The following CNTRL variants were observed in gnomAD, a reference collection of about 807,000 sequenced individuals.
CNTRL encodes the protein centriolin, also known as 110 kDa centrosomal protein.
In CNTRL, 233 loss-of-function variants were observed where a neutral mutation model predicts 303.7. That is an observed-to-expected ratio of 0.77 (90% CI 0.69 to 0.86). The LOEUF (loss-of-function observed/expected upper bound fraction) is 0.86. CNTRL is among the 40% of genes least tolerant of loss of function. The pLI, the probability that CNTRL is intolerant of heterozygous loss-of-function variation, is 0.00. For synonymous variants in CNTRL, 900 were observed against 922.2 expected (o/e 0.98, Z 0.44); for missense variants, 2,524 against 2,650.6 (o/e 0.95, Z 1.05).
intron 25 of CNTRL, among the ~76,000 whole-genome samples, chr9:121,151,136 T>G (rs1405230236): frequency 6.6e-6 from 1 of 152,180 alleles, no homozygotes; most frequent in Non-Finnish European, 1.5e-5. Context: ...GTGGTGGGAT[T>G]TATTTATTAT....
At chr9:121,097,524 T>C (rs1182052709) in intron 6 of CNTRL, among the ~76,000 whole-genome samples, 1 of 152,204 alleles carries the variant, frequency 6.6e-6, no homozygotes, top group African/African-American at 2.4e-5. Flanking sequence ...TAATAAGCAA[T>C]ATTCATTTAA....
chr9:121,146,391 C>A, intron 23 of CNTRL, 135 bp downstream of exon 23: 2 of 853,938 alleles, frequency 2.3e-6, no homozygotes, highest in East Asian at 5.6e-5. Flanking sequence ...GGTTCTGTAG[C>A]GTTTTTAATA....
intron 14 of CNTRL, among the ~76,000 whole-genome samples, chr9:121,129,000 A>G (rs935678409): frequency 6.6e-6 from 1 of 152,082 alleles, no homozygotes; most frequent in Non-Finnish European, 1.5e-5. Flanking sequence ...ATTGGTCTAT[A>G]TATCTGTTTT....
chr9:121,160,699 G>C (rs2052803750), intron 32 of CNTRL, among the ~76,000 whole-genome samples: 1 of 152,164 alleles, frequency 6.6e-6, no homozygotes, highest in Non-Finnish European at 1.5e-5. Context: ...TTGGAAACAG[G>C]CTGGGTGTGG....
intron 43 of CNTRL, among the ~76,000 whole-genome samples, chr9:121,175,547 G>C (rs2053487316): frequency 6.6e-6 from 1 of 152,238 alleles, no homozygotes; most frequent in Admixed American, 6.5e-5. Flanking sequence ...GGGATTACAG[G>C]CGTGAGCCAC....
At chr9:121,144,436 G>A (rs954868676) in intron 20 of CNTRL, among the ~76,000 whole-genome samples, 6 of 151,960 alleles carry the variant, frequency 3.9e-5, no homozygotes, top group Non-Finnish European at 5.9e-5. Context: ...TTTTCATCTC[G>A]TGCAGTCATG....
At chr9:121,103,309 T>A (rs2049278968) in intron 7 of CNTRL, among the ~76,000 whole-genome samples, 1 of 152,254 alleles carries the variant, frequency 6.6e-6, no homozygotes, top group Non-Finnish European at 1.5e-5. Context: ...AGGGATTCCC[T>A]ATTTAATAAA....
intron 40 of CNTRL, 60 bp downstream of exon 40, chr9:121,171,608 C>A: frequency 6.5e-7 from 1 of 1,540,660 alleles, no homozygotes; most frequent in Non-Finnish European, 8.8e-7. Flanking sequence ...TGGGCTCAGG[C>A]AGATTGTATT....
chr9:121,084,319 G>A (rs2048261538), intron 2 of CNTRL, among the ~76,000 whole-genome samples: 2 of 152,130 alleles, frequency 1.3e-5, no homozygotes, highest in Non-Finnish European at 2.9e-5. Context: ...ACCTAACCTT[G>A]CAAATGTAGG....
chr9:121,176,975 T>C (rs913747918), intron 43 of CNTRL, among the ~76,000 whole-genome samples, 188 bp from the exon 44 acceptor site: 2 of 152,216 alleles, frequency 1.3e-5, no homozygotes, highest in African/African-American at 4.8e-5. Flanking sequence ...ATCTTGAATT[T>C]TAGCAGTTTT....
intron 14 of CNTRL, 21 bp from the exon 15 acceptor site, chr9:121,135,785 A>T (rs962853104): frequency 6.3e-7 from 1 of 1,591,378 alleles, no homozygotes; most frequent in Non-Finnish European, 8.6e-7. Context: ...TTCCATAGTT[A>T]AACCCACTGA....
At chr9:121,128,346 G>A (rs1273886200) in intron 14 of CNTRL, among the ~76,000 whole-genome samples, 2 of 152,208 alleles carry the variant, frequency 1.3e-5, no homozygotes, top group African/African-American at 4.8e-5. Flanking sequence ...TCTAACTGGT[G>A]TGAAATGGTA....
intron 1 of CNTRL, among the ~76,000 whole-genome samples, chr9:121,078,708 C>G (rs2048026242): frequency 6.6e-6 from 1 of 152,210 alleles, no homozygotes; most frequent in African/African-American, 2.4e-5. Flanking sequence ...ATCAGAGTTC[C>G]CACAACTCCC....
chr9:121,155,081 A>G (rs2052495680), intron 27 of CNTRL, 168 bp downstream of exon 27: 1 of 609,464 alleles, frequency 1.6e-6, no homozygotes, highest in Non-Finnish European at 3.0e-6. Context: ...GAATTTATGC[A>G]AGTCATATAA....
At chr9:121,168,069 G>A (rs2131851026) in intron 37 of CNTRL, 27 bp from the exon 38 acceptor site, 1 of 1,577,148 alleles carries the variant, frequency 6.3e-7, no homozygotes, top group African/African-American at 1.4e-5. Flanking sequence ...GTTGTTTAAT[G>A]ACTAATCAAG....
intron 8 of CNTRL, chr9:121,111,019 A>G (rs1338457717): frequency 1.3e-5 from 2 of 152,132 alleles, no homozygotes; most frequent in African/African-American, 4.8e-5. Context: ...TTCCAGTCAC[A>G]TTTGCCTGTT....
intron 25 of CNTRL, 62 bp downstream of exon 25, chr9:121,150,545 T>C (rs747218760): frequency 6.7e-7 from 1 of 1,482,946 alleles, no homozygotes; most frequent in Non-Finnish European, 9.4e-7. Context: ...GATAAGGTTA[T>C]ATACTTAATG....
intron 14 of CNTRL, among the ~76,000 whole-genome samples, chr9:121,133,189 C>T (rs1351902722): frequency 6.6e-6 from 1 of 152,230 alleles, no homozygotes; most frequent in South Asian, 2.1e-4. Flanking sequence ...CCTACAGGGA[C>T]GTTTGAGTCT....
intron 36 of CNTRL, among the ~76,000 whole-genome samples, chr9:121,167,259 C>T (rs908589140): frequency 1.1e-4 from 16 of 151,174 alleles, no homozygotes; most frequent in Non-Finnish European, 1.6e-4. Context: ...TGCAGTGAGC[C>T]GAGATCATGC....
Sources: gnomAD v4.1 joint callset for allele counts (sites outside exome capture counted in the v4.1 genomes callset) on GRCh38, gnomAD v4.1.1 for gene constraint, MANE v1.5 for transcripts, NCBI Gene and HGNC (gene_info 2026-07-23, HGNC 2026-07-21) for gene names.